Variants in C8orf34 observed in about 807,000 individuals in gnomAD.
C8orf34 encodes chromosome 8 open reading frame 34.
C8orf34 carries 65 observed loss-of-function variants against 68.3 expected under a neutral mutation model. The ratio of observed to expected loss-of-function variants is 0.95; its 90% CI spans 0.78 to 1.17. C8orf34 has a LOEUF of 1.17. C8orf34 is among the 50% of genes most tolerant of loss of function. The pLI, the probability that C8orf34 is intolerant of heterozygous loss-of-function variation, is 0.00. For missense variants in C8orf34, 664 were observed against 655.4 expected, an observed-to-expected ratio of 1.01 and a Z score of -0.14; for synonymous variants, 244 against 241.2, an observed-to-expected ratio of 1.01 and a Z score of -0.11.
intron 5 of C8orf34, among the ~76,000 whole-genome samples, chr8:68,505,059 C>CCTGCCT (rs1207555104): frequency 1.3e-5 from 2 of 152,084 alleles, no homozygotes; most frequent in Non-Finnish European, 2.9e-5. Context: ...AGGTGATCTG[C>CCTGCCT]CTGCCTTGGC....
intron 8 of C8orf34, among the ~76,000 whole-genome samples, chr8:68,691,661 A>G (rs1820688965): frequency 6.6e-6 from 1 of 152,076 alleles, no homozygotes; most frequent in African/African-American, 2.4e-5. Flanking sequence ...AGGGAAAATA[A>G]TCCTTGTTCA....
intron 4 of C8orf34, among the ~76,000 whole-genome samples, chr8:68,472,151 T>A (rs1315405343): frequency 6.6e-6 from 1 of 152,158 alleles, no homozygotes; most frequent in Non-Finnish European, 1.5e-5. Context: ...AAGGCAGACG[T>A]GTTAGAATGA....
At chr8:68,440,234 T>G (rs1377541043) in intron 2 of C8orf34, among the ~76,000 whole-genome samples, 1 of 152,236 alleles carries the variant, frequency 6.6e-6, no homozygotes, top group Non-Finnish European at 1.5e-5. Flanking sequence ...CACATTGGTC[T>G]GTTAGTTTGA....
intron 5 of C8orf34, among the ~76,000 whole-genome samples, chr8:68,497,156 A>G (rs887795200): frequency 2.0e-5 from 3 of 152,226 alleles, no homozygotes; most frequent in Non-Finnish European, 4.4e-5. Flanking sequence ...TTCTAATTGT[A>G]GGGAGCTTCT....
intron 1 of C8orf34, among the ~76,000 whole-genome samples, chr8:68,401,613 T>C (rs1808958499): frequency 6.6e-6 from 1 of 151,134 alleles, no homozygotes; most frequent in Non-Finnish European, 1.5e-5. Context: ...CTTTTCTTCA[T>C]CTCTTGAAAT....
At chr8:68,650,477 C>CTTTTTT (rs57112362) in intron 8 of C8orf34, among the ~76,000 whole-genome samples, 1 of 120,840 alleles carries the variant, frequency 8.3e-6, no homozygotes, top group Non-Finnish European at 1.7e-5. Context: ...CCACCCTAGT[C>CTTTTTT]TTTTTTTTTT....
intron 8 of C8orf34, among the ~76,000 whole-genome samples, chr8:68,645,057 TTA>T (rs1421142446): frequency 1.3e-5 from 2 of 152,178 alleles, no homozygotes; most frequent in Non-Finnish European, 2.9e-5. Flanking sequence ...TAGTGTTAAA[TTA>T]TGTCACTTTA....
chr8:68,561,849 C>T (rs980806033), intron 7 of C8orf34, among the ~76,000 whole-genome samples: 2 of 152,142 alleles, frequency 1.3e-5, no homozygotes, highest in Non-Finnish European at 2.9e-5. Context: ...ACAGGGTCAG[C>T]ATCATCAATG....
intron 9 of C8orf34, among the ~76,000 whole-genome samples, chr8:68,711,730 G>T (rs1821334011): frequency 6.6e-6 from 1 of 152,186 alleles, no homozygotes; most frequent in Non-Finnish European, 1.5e-5. Context: ...TCCTGAGGAA[G>T]AAGAGAAATC....
intron 11 of C8orf34, among the ~76,000 whole-genome samples, chr8:68,779,617 T>C (rs1052389898): frequency 6.6e-6 from 1 of 152,126 alleles, no homozygotes; most frequent in African/African-American, 2.4e-5. Flanking sequence ...CTGGAATCAC[T>C]TTGGATGCCA....
intron 8 of C8orf34, among the ~76,000 whole-genome samples, chr8:68,702,636 T>A (rs966585536): frequency 6.6e-6 from 1 of 152,170 alleles, no homozygotes; most frequent in African/African-American, 2.4e-5. Context: ...TGACTGCCCA[T>A]GAACCTGAAA....
intron 10 of C8orf34, among the ~76,000 whole-genome samples, chr8:68,742,624 C>A (rs564411384): frequency 6.6e-6 from 1 of 152,324 alleles, no homozygotes; most frequent in South Asian, 2.1e-4. Context: ...AGGCTATGGA[C>A]ATTCTCAAGC....
intron 10 of C8orf34, among the ~76,000 whole-genome samples, chr8:68,743,483 AGTGGGTGCAGGTCAGTGG>A (rs1389306901): frequency 1.6e-4 from 25 of 152,108 alleles, no homozygotes; most frequent in Admixed American, 1.5e-3. Flanking sequence ...AATGCCAGAC[AGTGGGTGCAGGTCAGTGG>A]GTGGGTGCAG....
intron 4 of C8orf34, among the ~76,000 whole-genome samples, chr8:68,473,981 T>C (rs1447386876): frequency 6.6e-6 from 1 of 152,178 alleles, no homozygotes; most frequent in Non-Finnish European, 1.5e-5. Context: ...TCACTTCCTG[T>C]AGGCCTCATT....
At chr8:68,629,787 G>A (rs1306943343) in intron 7 of C8orf34, among the ~76,000 whole-genome samples, 2 of 152,010 alleles carry the variant, frequency 1.3e-5, no homozygotes, top group African/African-American at 4.8e-5. Context: ...GTATGTAAAT[G>A]TGTGTTTATG....
At chr8:68,486,906 G>A (rs189013483) in intron 4 of C8orf34, among the ~76,000 whole-genome samples, 7 of 152,160 alleles carry the variant, frequency 4.6e-5, no homozygotes, top group Middle Eastern at 3.4e-3. Context: ...CTCTTGGCTC[G>A]TTCCCTACAG....
At chr8:68,801,121 G>A (rs1824315106) in intron 12 of C8orf34, among the ~76,000 whole-genome samples, 1 of 152,134 alleles carries the variant, frequency 6.6e-6, no homozygotes, top group South Asian at 2.1e-4. Flanking sequence ...TGATAGCTAA[G>A]GCTGGGGTTT....
intron 7 of C8orf34, among the ~76,000 whole-genome samples, chr8:68,555,484 C>T (rs1816224015): frequency 6.6e-6 from 1 of 152,072 alleles, no homozygotes; most frequent in African/African-American, 2.4e-5. Flanking sequence ...CAGCTTTAGG[C>T]TTCTCCTTAG....
chr8:68,501,025 A>G (rs1813747960), intron 5 of C8orf34, among the ~76,000 whole-genome samples: 1 of 152,100 alleles, frequency 6.6e-6, no homozygotes, highest in South Asian at 2.1e-4. Flanking sequence ...TGAAATGTGG[A>G]TATGCCTTCT....
Sources: allele counts gnomAD v4.1 joint callset (sites outside exome capture counted in the v4.1 genomes callset), GRCh38; gene constraint gnomAD v4.1.1; transcripts MANE v1.5; gene names NCBI Gene and HGNC (gene_info 2026-07-23, HGNC 2026-07-21).